Variants in SIL1 observed in about 807,000 individuals in gnomAD.
SIL1 encodes nucleotide exchange factor SIL1.
Under a neutral mutation model 49.1 loss-of-function variants are expected in SIL1, and 40 were observed. The observed-to-expected ratio is 0.81, with a 90% CI of 0.63 to 1.06. SIL1 has a LOEUF of 1.06. Ranked by LOEUF, SIL1 falls within the 50% of genes least tolerant of loss-of-function variation. The pLI, the probability that SIL1 is intolerant of heterozygous loss-of-function variation, is 0.00. For missense variants in SIL1, 500 were observed against 572.6 expected, an observed-to-expected ratio of 0.87 and a Z score of 1.29; for synonymous variants, 253 against 250.8, an observed-to-expected ratio of 1.01 and a Z score of -0.08.
At chr5:139,103,689 C>T (rs1176307197) in intron 3 of SIL1, among the ~76,000 whole-genome samples, 3 of 152,198 alleles carry the variant, frequency 2.0e-5, no homozygotes, top group African/African-American at 7.2e-5. Flanking sequence ...TCTCACTCCC[C>T]TCCCCCAATT....
chr5:139,122,834 A>G (rs1750673910), intron 2 of SIL1, among the ~76,000 whole-genome samples: 1 of 152,180 alleles, frequency 6.6e-6, no homozygotes, highest in Non-Finnish European at 1.5e-5. Context: ...GAAGCTCTCA[A>G]ATCTAACCAC....
intron 2 of SIL1, among the ~76,000 whole-genome samples, chr5:139,121,407 T>C (rs1750634896): frequency 6.6e-6 from 1 of 152,060 alleles, no homozygotes; most frequent in Non-Finnish European, 1.5e-5. Context: ...CTTTTGAAAA[T>C]GCACAGGGAA....
intron 3 of SIL1, among the ~76,000 whole-genome samples, chr5:139,087,813 T>C (rs896933325): frequency 5.9e-5 from 9 of 151,954 alleles, no homozygotes; most frequent in African/African-American, 2.2e-4. Flanking sequence ...GAGAAAACCT[T>C]CTCCCTTACA....
intron 1 of SIL1, among the ~76,000 whole-genome samples, chr5:139,169,827 C>T (rs1039120792): frequency 2.8e-5 from 3 of 107,580 alleles, no homozygotes; most frequent in African/African-American, 5.3e-5. Flanking sequence ...TCCCTCTCCC[C>T]TCTCCCCTCT....
At position 139,113,113 on chromosome 5, in the gene SIL1, G is replaced by A. The variant is rs1256297337; in HGVS notation, c.244+7922C>T. Among the ~76,000 whole-genome samples the A allele has an allele frequency of 5.3e-5, 8 of 151,848 alleles. No homozygotes were observed. The East Asian group carries it at 1.4e-3, about 26-fold the overall frequency. ...CTTGAAGGCAGCATGCTCGTTAAGA[G>A]TCATCACCACTCCCTAATCTCAAGT... On this transcript the variant is annotated intron_variant, in intron 3 of 9. Coordinates refer to ENST00000394817, the MANE Select transcript of SIL1 (RefSeq NM_022464.5).
At chr5:139,040,356 A>C (rs1398101091) in intron 5 of SIL1, among the ~76,000 whole-genome samples, 2 of 152,186 alleles carry the variant, frequency 1.3e-5, no homozygotes, top group Non-Finnish European at 2.9e-5. Flanking sequence ...TAAGTTCCAC[A>C]TAAGTAAGGA....
intron 7 of SIL1, among the ~76,000 whole-genome samples, chr5:138,964,166 G>C (rs1165324226): frequency 6.6e-6 from 1 of 152,238 alleles, no homozygotes; most frequent in Non-Finnish European, 1.5e-5. Context: ...GGATGGCTTT[G>C]TTTGCAAACA....
In SIL1 at chr5:138,951,325, G is replaced by A; in HGVS notation, c.875C>T (p.Ala292Val). 6.4e-7 allele frequency: 1 copy of A among 1,554,510 alleles called. No individual in the cohort carries two copies. Among genetic ancestry groups the A allele is most frequent in the Non-Finnish European group, 8.7e-7 (1 of 1,148,526 alleles). The part of the protein sequence containing the change: ...PLTAKKKVLF[A>V]LCSLLRHFPY... ...GAAGTGGCGCAGCAGGGAGCACAGT[G>A]CAAACAGGACCTGGGGGCACAGACC... Residue 292 changes from alanine (A) to valine (V), a missense_variant, in exon 9 of 10, where the codon GCA (alanine) becomes GTA (valine). Coordinates refer to ENST00000394817, the MANE Select transcript of SIL1 (RefSeq NM_022464.5).
chr5:139,193,546 C>T (rs765382603), intron 1 of SIL1, among the ~76,000 whole-genome samples: 22 of 152,004 alleles, frequency 1.4e-4, no homozygotes, highest in Non-Finnish European at 2.9e-4. Context: ...CCAGCCTGGG[C>T]GACAGAGTGA....
chr5:139,035,570 A>G, intron 5 of SIL1: 1 of 471,644 alleles, frequency 2.1e-6, no homozygotes, highest in South Asian at 1.6e-5. Flanking sequence ...CCAGTGCCAG[A>G]TACCAGCAAT....
At position 138,979,069 on chromosome 5, in the gene SIL1, AT is replaced by A. The variant is rs201176716; in HGVS notation, c.768-27186del. On this transcript the variant is annotated intron_variant, in intron 7 of 9. Transcript: ENST00000394817. The stretch of plus-strand genomic sequence containing the variant: ...AGAGTATTTAATTTAATTTAATTTT[AT>A]TTTATTTTTTTTTTGAGAAGGAGTC... Among the ~76,000 whole-genome samples the A allele has an allele frequency of 2.2e-3, 322 of 147,658 alleles. 1 individual carries two copies. Among genetic ancestry groups the A allele is most frequent in the African/African-American group, 8.3e-3 (311 of 37,646 alleles).
chr5:139,048,369 G>GT (rs35482601), intron 4 of SIL1, among the ~76,000 whole-genome samples: 2,980 of 87,690 alleles, frequency 0.034, 89 homozygotes, highest in African/African-American at 0.081. Context: ...TTTGTTGTTG[G>GT]TTTTTTTTTT....
intron 3 of SIL1, among the ~76,000 whole-genome samples, chr5:139,108,983 G>C (rs1013780942): frequency 6.6e-6 from 1 of 152,104 alleles, no homozygotes; most frequent in Non-Finnish European, 1.5e-5. Context: ...AGCAGTGTCA[G>C]ATGAAGCCAG....
chr5:139,160,834 A>C (rs994909542), intron 1 of SIL1, among the ~76,000 whole-genome samples: 1 of 152,040 alleles, frequency 6.6e-6, no homozygotes, highest in Non-Finnish European at 1.5e-5. Context: ...CATCACAAAT[A>C]AAAAAGGGTG....
At chr5:139,105,608 G>T (rs1770685307) in intron 3 of SIL1, among the ~76,000 whole-genome samples, 1 of 152,226 alleles carries the variant, frequency 6.6e-6, no homozygotes, top group African/African-American at 2.4e-5. Flanking sequence ...GCTCATTTAG[G>T]GAATGGGCTG....
At chr5:139,020,619 A>G (rs1398156399) in intron 7 of SIL1, among the ~76,000 whole-genome samples, 1 of 152,176 alleles carries the variant, frequency 6.6e-6, no homozygotes, top group Non-Finnish European at 1.5e-5. Context: ...ATCTTTTGGC[A>G]TCTACTCTTT....
At chr5:139,084,775 A>G (rs1038965258) in intron 3 of SIL1, among the ~76,000 whole-genome samples, 10 of 151,422 alleles carry the variant, frequency 6.6e-5, no homozygotes, top group African/African-American at 2.4e-4. Context: ...CCTAAAACTT[A>G]GAGTATAATA....
At chr5:139,109,248 A>G (rs1770791327) in intron 3 of SIL1, among the ~76,000 whole-genome samples, 1 of 152,172 alleles carries the variant, frequency 6.6e-6, no homozygotes, top group Admixed American at 6.5e-5. Context: ...TCTTTAGGGA[A>G]CAATTCCTCC....
chr5:139,099,808 A>C (rs1417890209), intron 3 of SIL1, among the ~76,000 whole-genome samples: 2 of 152,148 alleles, frequency 1.3e-5, no homozygotes, highest in South Asian at 4.1e-4. Context: ...GAACAAGGAG[A>C]TAGGGATGGT....
Sources: gnomAD v4.1 joint callset for allele counts (sites outside exome capture counted in the v4.1 genomes callset) on GRCh38, gnomAD v4.1.1 for gene constraint, MANE v1.5 for transcripts, NCBI Gene and HGNC (gene_info 2026-07-23, HGNC 2026-07-21) for gene names.